Variants in MKS1 observed in about 807,000 individuals in gnomAD.
MKS1 encodes the protein MKS transition zone complex subunit 1, also known as tectonic-like complex member MKS1.
In MKS1, 70 loss-of-function variants were observed where a neutral mutation model predicts 83.7. That is an observed-to-expected ratio of 0.84 (90% CI 0.69 to 1.02). MKS1 has a LOEUF of 1.02. Among genes scored for constraint, MKS1 ranks in the 50% least tolerant of loss-of-function variants. The pLI, the probability that MKS1 is intolerant of heterozygous loss-of-function variation, is 0.00. For missense variants in MKS1, 681 were observed against 726.9 expected (o/e 0.94, Z 0.73); for synonymous variants, 251 against 273.4 (o/e 0.92, Z 0.81).
Position 58,214,734 on chromosome 17 carries a change from C to T in MKS1, c.515+7G>A. ...AAGCTTGTCCCCCATCCCATGCCCG[C>T]ACTCACATCCCTCGCCTGTCCTGCC... On this transcript the variant is annotated splice_region_variant and intron_variant, in intron 5 of 17. Transcript: ENST00000393119. 6.2e-7 allele frequency: 1 copy of T among 1,604,524 alleles called. No individual in the cohort carries two copies.
intron 9 of MKS1, among the ~76,000 whole-genome samples, chr17:58,211,440 G>T (rs1968871223): frequency 6.6e-6 from 1 of 152,188 alleles, no homozygotes; most frequent in South Asian, 2.1e-4. Flanking sequence ...AAATAGTGAA[G>T]GTTAATTTTT....
intron 12 of MKS1, 87 bp downstream of exon 12, chr17:58,208,426 G>T (rs527377020): frequency 1.4e-6 from 2 of 1,465,188 alleles, no homozygotes; most frequent in South Asian, 1.2e-5. Context: ...TCCCCAGGGC[G>T]CACAGCACTT....
intron 3 of MKS1, 106 bp downstream of exon 3, chr17:58,216,560 T>A: frequency 1.6e-6 from 2 of 1,268,162 alleles, no homozygotes; most frequent in South Asian, 2.5e-5. Flanking sequence ...GGGGAAAGTA[T>A]AAACTGTTAC....
rs201137386 is a variant in MKS1, at chr17:58,210,728, C to T, written c.959-4G>A. ...TACTCATAGCCTTGGGCTGAAACTA[C>T]GAGAGAAAACAGGAAGCTATTTTAG... is the stretch of plus-strand genomic sequence containing the variant. On this transcript the variant is annotated splice_region_variant and splice_polypyrimidine_tract_variant and intron_variant, in intron 10 of 17. Transcript: ENST00000393119. 71 of 1,613,994 alleles carry T rather than the reference C, an allele frequency of 4.4e-5. No individual in the cohort carries two copies. The highest frequency in any genetic ancestry group is 3.5e-4 in the African/African-American group (26 of 75,044).
At chr17:58,215,321 G>A (rs935492538) in intron 4 of MKS1, among the ~76,000 whole-genome samples, 19 of 152,104 alleles carry the variant, frequency 1.2e-4, no homozygotes, top group Non-Finnish European at 2.2e-4. Context: ...GTGCAGTGGT[G>A]CTATCATAGC....
At chr17:58,213,378 A>G (rs1261348300) in intron 7 of MKS1, among the ~76,000 whole-genome samples, 2 of 152,288 alleles carry the variant, frequency 1.3e-5, no homozygotes, top group Admixed American at 6.5e-5. Context: ...TGAAAAATGG[A>G]CAGGTTGGGC....
intron 14 of MKS1, 113 bp from the exon 15 acceptor site, chr17:58,207,331 T>A (rs1968582212): frequency 7.6e-6 from 11 of 1,442,450 alleles, no homozygotes; most frequent in Admixed American, 1.8e-5. Context: ...GGTCTGGTGA[T>A]GACCTGGCCT....
In MKS1 at chr17:58,211,003, C is replaced by G. The variant is rs369483945; in HGVS notation, c.935G>C (p.Arg312Pro). The change falls in exon 10 of 18, where the codon CGG becomes CCG. Residue 312 changes from arginine to proline, a missense_variant. Physicochemically the swap from Arg to Pro is moderately radical, Grantham distance 103. Around this residue, in one of 3 missense-constraint regions of MKS1, gnomAD observed 310 missense variants for 321.7 expected, o/e 0.96. Transcript: ENST00000393119. Reference protein sequence around the residue: ...DFEMTVPGALRLFVNGEVVSA... With the variant: ...DFEMTVPGALPLFVNGEVVSA... ...ACCGACCTCTCCATTTACAAAGAGC[C>G]GGAGGGCACCTGGGACAGTCTAAGG... 1 of 1,613,974 alleles carries G rather than the reference C, an allele frequency of 6.2e-7. No individual in the cohort carries two copies. The highest frequency in any genetic ancestry group is 8.5e-7 in the Non-Finnish European group (1 of 1,179,966).
Position 58,206,352 on chromosome 17 carries a change from T to C in MKS1, c.1519A>G (p.Lys507Glu). ...RAFMESSSLQ[K>E]RMRSVLDRLE... ...CGGTCCAACACACTCCGCATCCTTT[T>C]CTGAAGGGAGCTCGATTCCATGAAG... The change falls in exon 17 of 18, where the codon AAA (lysine) becomes GAA (glutamate). Residue 507 changes from lysine (K) to glutamate (E), a missense_variant. Lys to Glu is a moderately conservative substitution (Grantham distance 56). Transcript: ENST00000393119. 1 of 1,614,116 alleles carries C rather than the reference T, an allele frequency of 6.2e-7. No individual in the cohort carries two copies. Among genetic ancestry groups the C allele is most frequent in the Non-Finnish European group, 8.5e-7 (1 of 1,180,020 alleles).
At position 58,212,982 on chromosome 17, in the gene MKS1, ATC is replaced by A. The variant is rs1968963177; in HGVS notation, c.856_857del (p.Asp286SerfsTer18). 1 of 1,613,746 alleles carries A rather than the reference ATC, an allele frequency of 6.2e-7. No individual in the cohort carries two copies. The highest frequency in any genetic ancestry group is 8.5e-7 in the Non-Finnish European group (1 of 1,179,830). On this transcript the variant is annotated frameshift_variant and splice_region_variant, in exon 8 of 18. Coordinates refer to ENST00000393119, the MANE Select transcript of MKS1 (RefSeq NM_017777.4). LOFTEE classifies it high-confidence loss of function. ...ATACTTGGAATGAACTTGCGCTTAC[ATC>A]CTTGAACACTCGCCGTTCCCGCTCC... is the stretch of plus-strand genomic sequence containing the variant. ...EEERERRVFK[D>X]LYGRHKEYLS...
chr17:58,207,860 T>C (rs1214104474), intron 14 of MKS1, 34 bp downstream of exon 14: 1 of 1,560,368 alleles, frequency 6.4e-7, no homozygotes, highest in Non-Finnish European at 8.8e-7. Context: ...GCCTAGGGCA[T>C]GTGGGCCACA....
intron 12 of MKS1, 22 bp downstream of exon 12, chr17:58,208,491 T>C (rs1389334549): frequency 1.9e-6 from 3 of 1,611,828 alleles, no homozygotes; most frequent in Non-Finnish European, 2.5e-6. Context: ...CCCTTCCAGA[T>C]ACCCGCTCTC....
intron 4 of MKS1, 75 bp from the exon 5 acceptor site, chr17:58,214,913 T>C (rs759908076): frequency 1.3e-6 from 2 of 1,536,228 alleles, no homozygotes; most frequent in African/African-American, 1.4e-5. Flanking sequence ...AGGGAAGTCT[T>C]CCTCCTGAAA....
intron 11 of MKS1, 63 bp from the exon 12 acceptor site, chr17:58,208,646 GAC>G: frequency 6.9e-7 from 1 of 1,442,450 alleles, no homozygotes; most frequent in Non-Finnish European, 9.7e-7. Flanking sequence ...TTCAGAAAAA[GAC>G]AGTTTCTTTT....
intron 9 of MKS1, among the ~76,000 whole-genome samples, chr17:58,211,427 T>C (rs149549393): frequency 1.0e-3 from 153 of 152,308 alleles, no homozygotes; most frequent in African/African-American, 3.5e-3. Flanking sequence ...TTATGCAATA[T>C]GGAAATAGTG....
intron 15 of MKS1, chr17:58,206,793 T>C (rs1489110716): frequency 1.6e-6 from 1 of 629,798 alleles, no homozygotes. Flanking sequence ...CTGTGAATCC[T>C]CCCCACATCT....
rs1233544790 is a variant in MKS1, at chr17:58,205,643, G to A, written c.*436C>T. 7 of 1,307,580 alleles carry A rather than the reference G, an allele frequency of 5.4e-6. No individual in the cohort carries two copies. The highest frequency in any genetic ancestry group is 7.1e-6 in the Non-Finnish European group (7 of 991,314). 81.0% of individuals were successfully genotyped at this position (1,307,580 alleles called of 1,614,324 possible). A position where few individuals can be genotyped will look rare whatever the true frequency, so the allele number is the denominator to read the frequency against. On this transcript the variant is annotated 3_prime_UTR_variant, in exon 18 of 18. Coordinates refer to ENST00000393119, the MANE Select transcript of MKS1 (RefSeq NM_017777.4). ...GGAAAGAGGCTGAGACTCACAGGCT[G>A]GGGATTTAAGACCCTCTCACCGTCC...
At chr17:58,208,436 T>C in intron 12 of MKS1, 77 bp downstream of exon 12, 2 of 1,536,302 alleles carry the variant, frequency 1.3e-6, no homozygotes, top group East Asian at 2.2e-5. Context: ...GCACAGCACT[T>C]GGCCTGATAA....
chr17:58,212,575 C>T, intron 8 of MKS1, 141 bp from the exon 9 acceptor site: 1 of 923,276 alleles, frequency 1.1e-6, no homozygotes, highest in Non-Finnish European at 1.7e-6. Flanking sequence ...CGCCATTTTA[C>T]CGTGAAGCAG....
Sources: allele counts gnomAD v4.1 joint callset (sites outside exome capture counted in the v4.1 genomes callset), GRCh38; gene constraint gnomAD v4.1.1; regional missense constraint gnomAD v4.1.1; transcripts MANE v1.5; gene names NCBI Gene and HGNC (gene_info 2026-07-23, HGNC 2026-07-21).